The following BTBD1 variants were observed in gnomAD, a reference collection of about 807,000 sequenced individuals.
The protein encoded by BTBD1 is BTB/POZ domain-containing protein 1.
Under a neutral mutation model 48.0 loss-of-function variants are expected in BTBD1, and 34 were observed. That is an observed-to-expected ratio of 0.71 (90% confidence interval 0.54 to 0.94). BTBD1 has a LOEUF of 0.94. Ranked by LOEUF, BTBD1 falls within the 40% of genes least tolerant of loss-of-function variation. The pLI, the probability that BTBD1 is intolerant of heterozygous loss-of-function variation, is 0.00. For missense variants in BTBD1, 543 were observed against 625.6 expected (o/e 0.87, Z 1.41); for synonymous variants, 261 against 242.1 (o/e 1.08, Z -0.72).
In BTBD1 at chr15:83,041,782, T is replaced by A; in HGVS notation, c.808A>T (p.Lys270Ter). Residue 270 changes from lysine (K) to a stop codon, truncating the protein, a stop_gained, in exon 4 of 8, where the codon AAA (lysine) becomes TAA (stop). Coordinates refer to ENST00000261721, the MANE Select transcript of BTBD1 (RefSeq NM_025238.4). LOFTEE classifies it high-confidence loss of function. ...TFGNKQKVLGKALSLIRFPLM... is the reference protein window; with the variant it reads ...TFGNKQKVLG ...GGGAACCGGATTAAGGAAAGTGCTT[T>A]TCCTAGAACTTTTTGTTTATTCCCA... 1 of 1,614,214 alleles carries A rather than the reference T, an allele frequency of 6.2e-7. No individual in the cohort carries two copies.
chr15:83,032,969 C>CAAAAAAAAAAAAAAAAA (rs56152195), intron 4 of BTBD1, among the ~76,000 whole-genome samples: 13 of 86,996 alleles, frequency 1.5e-4, no homozygotes, highest in African/African-American at 6.0e-4. Flanking sequence ...TACTCTGTCT[C>CAAAAAAAAAAAAAAAAA]AAAAAAAAAA....
At chr15:83,037,260 A>T (rs1705253052) in intron 4 of BTBD1, among the ~76,000 whole-genome samples, 1 of 152,218 alleles carries the variant, frequency 6.6e-6, no homozygotes, top group South Asian at 2.1e-4. Context: ...AAGCATAATG[A>T]AATACAATTC....
rs142650530 is a variant in BTBD1 at position 83,056,793 on chromosome 15, G to A, written c.402-248C>T. 9.0e-3 allele frequency among the ~76,000 whole-genome samples: 1,362 copies of A among 150,686 alleles called. 22 individuals are homozygous for A. The highest frequency in any genetic ancestry group is 0.032 in the African/African-American group (1,322 of 40,980). On this transcript the variant is annotated intron_variant, in intron 1 of 7. Transcript: ENST00000261721. ...GCTCACTGCAGCTTCAACCTCTCTGGCTCAAGCCATCCTCCCACCTCAGCT... is the reference window on the plus strand; with the variant it reads ...GCTCACTGCAGCTTCAACCTCTCTGACTCAAGCCATCCTCCCACCTCAGCT...
chr15:83,055,163 A>G (rs1259193491), intron 2 of BTBD1, among the ~76,000 whole-genome samples: 2 of 152,222 alleles, frequency 1.3e-5, no homozygotes, highest in African/African-American at 2.4e-5. Context: ...TTACACACAT[A>G]TAACAAATGC....
At chr15:83,035,898 A>AT in intron 4 of BTBD1, among the ~76,000 whole-genome samples, 2 of 152,002 alleles carry the variant, frequency 1.3e-5, no homozygotes, top group Admixed American at 6.6e-5. Flanking sequence ...CAAGAAAAAA[A>AT]AATATATATA....
intron 2 of BTBD1, 50 bp from the exon 3 acceptor site, chr15:83,050,228 C>A: frequency 8.5e-7 from 1 of 1,171,306 alleles, no homozygotes; most frequent in South Asian, 1.3e-5. Context: ...ATTTTACCTT[C>A]AGACTGTACA....
chr15:83,040,782 A>C (rs1187110088), intron 4 of BTBD1, among the ~76,000 whole-genome samples: 1 of 151,986 alleles, frequency 6.6e-6, no homozygotes, highest in Non-Finnish European at 1.5e-5. Context: ...GATAATAGTC[A>C]ATTATGACCT....
In BTBD1 at chr15:83,066,862, A is replaced by C. The variant is rs2033286300; in HGVS notation, c.290T>G (p.Leu97Arg). The C allele has an allele frequency of 6.8e-7, 1 of 1,464,134 alleles. No individual in the cohort carries two copies. The highest frequency in any genetic ancestry group is 9.0e-7 in the Non-Finnish European group (1 of 1,111,284). The allele number at this position is 1,464,134 out of a possible 1,614,324, so 90.7% of individuals were successfully genotyped here. The change falls in exon 1 of 8, where the codon CTG becomes CGG. Residue 97 changes from leucine (L) to arginine (R), a missense_variant. Coordinates refer to ENST00000261721, the MANE Select transcript of BTBD1 (RefSeq NM_025238.4). ...PQRIPAHRFV[L>R]AAGSAVFDAM... The stretch of plus-strand genomic sequence containing the variant: ...GTCAAAGACGGCGCTGCCGGCCGCC[A>C]GCACGAAGCGGTGGGCGGGGATGCG...
At position 83,030,277 on chromosome 15, in the gene BTBD1, A is replaced by G; in HGVS notation, c.914T>C (p.Leu305Pro). 6.2e-7 allele frequency: 1 copy of G among 1,614,138 alleles called. No homozygotes were observed. Among genetic ancestry groups the G allele is most frequent in the Middle Eastern group, 1.6e-4 (1 of 6,062 alleles). ...LSDREVVNLF[L>P]HFTVNPKPRV... ...GGGTTTAGGGTTGACAGTAAAATGA[A>G]GAAAGAGGTTTACCACTTCACGATC... is the stretch of plus-strand genomic sequence containing the variant. Residue 305 changes from leucine (L) to proline (P), a missense_variant, in exon 5 of 8, where the codon CTT becomes CCT. By Grantham distance (98) the Leu-to-Pro change is moderately conservative. Transcript: ENST00000261721.
Position 83,025,902 on chromosome 15 carries a change from T to C in BTBD1, c.1055+4234A>G, listed in dbSNP as rs370499883. On this transcript the variant is annotated intron_variant, in intron 5 of 7. Coordinates refer to ENST00000261721, the MANE Select transcript of BTBD1 (RefSeq NM_025238.4). ...CTCCTGTCTCAGCCTCCCGAGTAGC[T>C]GGGACTACAGGTGCCCACCACCACG... 1.9e-3 allele frequency among the ~76,000 whole-genome samples: 296 copies of C among 152,238 alleles called. 1 individual carries two copies. The highest frequency in any genetic ancestry group is 6.8e-3 in the Middle Eastern group (2 of 294).
At chr15:83,034,159 G>A (rs2032581436) in intron 4 of BTBD1, among the ~76,000 whole-genome samples, 1 of 150,264 alleles carries the variant, frequency 6.7e-6, no homozygotes, top group African/African-American at 2.4e-5. Flanking sequence ...AATATAAAGT[G>A]AACCAAATAT....
chr15:83,063,172 T>C (rs961036425), intron 1 of BTBD1, among the ~76,000 whole-genome samples: 26 of 152,220 alleles, frequency 1.7e-4, no homozygotes, highest in African/African-American at 6.3e-4. Context: ...CTTCTCAGTT[T>C]CATTTTATGC....
chr15:83,029,565 G>A (rs900705337), intron 5 of BTBD1: 2 of 152,510 alleles, frequency 1.3e-5, no homozygotes, highest in Non-Finnish European at 2.9e-5. Flanking sequence ...ACTGGCAGTG[G>A]TGATCCAAAC....
At chr15:83,052,277 A>C (rs541192714) in intron 2 of BTBD1, among the ~76,000 whole-genome samples, 43 of 152,072 alleles carry the variant, frequency 2.8e-4, no homozygotes, top group African/African-American at 9.4e-4. Flanking sequence ...ACAAGGTTTC[A>C]CCATGTTGTG....
In BTBD1 at chr15:83,027,881, C is replaced by A. The variant is rs554396261; in HGVS notation, c.1055+2255G>T. Among the ~76,000 whole-genome samples the A allele has an allele frequency of 2.0e-5, 3 of 152,336 alleles. No homozygotes were observed. In the South Asian group the frequency reaches 6.2e-4, roughly 32 times the overall value. On this transcript the variant is annotated intron_variant, in intron 5 of 7. Transcript: ENST00000261721. ...ATGGTGATGCATATATGTACAGCAA[C>A]TAACTACTTCAGTTTGCCTTCCAGT...
chr15:83,056,395 A>G lies in BTBD1; in HGVS notation c.552T>C (p.Leu184=). Residue 184 remains leucine (L), a synonymous_variant, in exon 2 of 8, where the codon CTT becomes CTC. Transcript: ENST00000261721. ...HLRADNAFML[L]TQARLFDEPQ... ...CTTAGCTACATTTACTTACCTGAGT[A>G]AGTAACATAAAGGCATTATCTGCCC... 1 of 1,612,190 alleles carries G rather than the reference A, an allele frequency of 6.2e-7. No homozygotes were observed. Among genetic ancestry groups the G allele is most frequent in the African/African-American group, 1.3e-5 (1 of 74,996 alleles).
At chr15:83,023,794 T>C (rs2032348931) in intron 5 of BTBD1, among the ~76,000 whole-genome samples, 1 of 152,218 alleles carries the variant, frequency 6.6e-6, no homozygotes, top group African/African-American at 2.4e-5. Context: ...CTCTCACTCT[T>C]ATCAACCAGG....
rs1184544007 is a variant in BTBD1 at position 83,052,507 on chromosome 15, C to CTT, written c.559-2331_559-2330dup. ...CACTGGCTGTATTTCAGTTTTGTCA[C>CTT]TTGCCCCAACGTTTTTTAATAACAT... On this transcript the variant is annotated intron_variant, in intron 2 of 7. Coordinates refer to ENST00000261721, the MANE Select transcript of BTBD1 (RefSeq NM_025238.4). 2.0e-5 allele frequency among the ~76,000 whole-genome samples: 3 copies of CTT among 152,100 alleles called. No individual in the cohort carries two copies. The East Asian group carries it at 5.8e-4, about 29-fold the overall frequency.
chr15:83,045,012 C>G (rs2032849229), intron 3 of BTBD1, among the ~76,000 whole-genome samples: 1 of 152,074 alleles, frequency 6.6e-6, no homozygotes. Flanking sequence ...AACGACACTT[C>G]TAGATGGATA....
Sources: allele counts gnomAD v4.1 joint callset (sites outside exome capture counted in the v4.1 genomes callset), GRCh38; gene constraint gnomAD v4.1.1; transcripts MANE v1.5; gene names NCBI Gene and HGNC (gene_info 2026-07-23, HGNC 2026-07-21).